The following ABCC4 variants were observed in gnomAD, a reference collection of about 807,000 sequenced individuals.
ABCC4 encodes the protein ATP binding cassette subfamily C member 4 (PEL blood group).
In ABCC4, 102 loss-of-function variants were observed where a neutral mutation model predicts 168.5. The ratio of observed to expected loss-of-function variants is 0.61; its 90% confidence interval spans 0.52 to 0.71. The LOEUF (loss-of-function observed/expected upper bound fraction) is 0.71. Ranked by LOEUF, ABCC4 falls within the 30% of genes least tolerant of loss-of-function variation. The pLI is 0.00. For missense variants in ABCC4, 1,402 were observed against 1,605.8 expected, an observed-to-expected ratio of 0.87 and a Z score of 2.17; for synonymous variants, 617 against 590.7, an observed-to-expected ratio of 1.04 and a Z score of -0.65.
chr13:95,071,279 A>G (rs115810488), intron 25 of ABCC4, among the ~76,000 whole-genome samples: 4,690 of 152,246 alleles, frequency 0.031, 234 homozygotes, highest in African/African-American at 0.11. Context: ...GGAGGAGGAG[A>G]AAGGCTGGAA....
chr13:95,116,158 T>C (rs890209883), intron 19 of ABCC4, among the ~76,000 whole-genome samples, 157 bp from the exon 20 acceptor site: 2 of 151,980 alleles, frequency 1.3e-5, no homozygotes, highest in Admixed American at 1.3e-4. Context: ...AAAAAGAAAA[T>C]AGGACGATAC....
At chr13:95,206,169 T>G (rs980306721) in intron 8 of ABCC4, among the ~76,000 whole-genome samples, 4 of 152,166 alleles carry the variant, frequency 2.6e-5, no homozygotes, top group Non-Finnish European at 5.9e-5. Context: ...CACAGAAGAA[T>G]CATACTCAAC....
chr13:95,248,383 A>T (rs906471145), intron 1 of ABCC4, among the ~76,000 whole-genome samples: 2 of 152,232 alleles, frequency 1.3e-5, no homozygotes, highest in Non-Finnish European at 2.9e-5. Flanking sequence ...TGAAGGTTTG[A>T]TGGGACATTT....
intron 20 of ABCC4, among the ~76,000 whole-genome samples, chr13:95,096,499 G>A (rs918061487): frequency 2.0e-5 from 3 of 151,882 alleles, no homozygotes; most frequent in African/African-American, 7.3e-5. Flanking sequence ...TCCCAAGAAG[G>A]ATACTAAACA....
chr13:95,106,349 G>A (rs1177163755), intron 20 of ABCC4, among the ~76,000 whole-genome samples: 3 of 148,772 alleles, frequency 2.0e-5, no homozygotes, highest in African/African-American at 7.8e-5. Flanking sequence ...GCGTATATAT[G>A]TGCGCGTATA....
intron 19 of ABCC4, among the ~76,000 whole-genome samples, chr13:95,118,393 G>A (rs1339083806): frequency 6.6e-6 from 1 of 151,960 alleles, no homozygotes; most frequent in Non-Finnish European, 1.5e-5. Flanking sequence ...ACAGGCACAT[G>A]CCACCATGAC....
chr13:95,255,126 T>A (rs1439181325), intron 1 of ABCC4, among the ~76,000 whole-genome samples: 1 of 152,134 alleles, frequency 6.6e-6, no homozygotes, highest in Admixed American at 6.6e-5. Context: ...AGAAAGAGGG[T>A]GCAAGGACAC....
At chr13:95,216,608 C>CAAAAAAAAAAAAAA (rs199711816) in intron 4 of ABCC4, among the ~76,000 whole-genome samples, 2 of 125,566 alleles carry the variant, frequency 1.6e-5, no homozygotes, top group African/African-American at 3.2e-5. Context: ...AGGAAATTCA[C>CAAAAAAAAAAAAAA]AAAAAAAAAA....
intron 22 of ABCC4, chr13:95,075,163 G>A (rs375526403): frequency 3.4e-5 from 14 of 409,666 alleles, no homozygotes; most frequent in Admixed American, 1.2e-4. Context: ...TGCAGAAAAC[G>A]TTTGCTGACA....
chr13:95,286,566 C>T (rs557326638), intron 1 of ABCC4, among the ~76,000 whole-genome samples: 1 of 152,110 alleles, frequency 6.6e-6, no homozygotes, highest in African/African-American at 2.4e-5. Context: ...GGGGGACTTA[C>T]AAACAGGTGA....
chr13:95,249,087 G>T (rs1417161652), intron 1 of ABCC4, among the ~76,000 whole-genome samples: 1 of 151,950 alleles, frequency 6.6e-6, no homozygotes, highest in African/African-American at 2.4e-5. Context: ...CAGATGTACT[G>T]GTGTAAGCCT....
rs538317831 is a variant in ABCC4 at position 95,195,166 on chromosome 13, G to C, written c.1162-229C>G. Among the ~76,000 whole-genome samples, 4 of 152,232 alleles carry C rather than the reference G, an allele frequency of 2.6e-5. No individual in the cohort carries two copies. The East Asian group carries it at 7.7e-4, about 29-fold the overall frequency. ...ATCTTTGTAATTTTAGGAACTATCT[G>C]TGTAATTTTTTTCAACAAGTATACT... On this transcript the variant is annotated intron_variant, in intron 8 of 30. Coordinates refer to ENST00000645237, the MANE Select transcript of ABCC4 (RefSeq NM_005845.5).
intron 19 of ABCC4, among the ~76,000 whole-genome samples, chr13:95,121,002 T>G (rs957544932): frequency 6.6e-6 from 1 of 152,052 alleles, no homozygotes; most frequent in Non-Finnish European, 1.5e-5. Context: ...TAGACCAAAA[T>G]GAGAACCAAA....
chr13:95,096,056 CATTT>C (rs1190160600), intron 20 of ABCC4: 1 of 425,678 alleles, frequency 2.3e-6, no homozygotes, highest in African/African-American at 2.1e-5. Context: ...AAAAAAACAA[CATTT>C]AGCCAGGTAC....
At chr13:95,265,410 T>G (rs2040642825) in intron 1 of ABCC4, among the ~76,000 whole-genome samples, 1 of 150,028 alleles carries the variant, frequency 6.7e-6, no homozygotes, top group Non-Finnish European at 1.5e-5. Context: ...GAGTACTGGT[T>G]TAAAAGCATG....
In ABCC4 at chr13:95,079,852, G is replaced by T. The variant is rs553589768; in HGVS notation, c.2686+3288C>A. On this transcript the variant is annotated intron_variant, in intron 21 of 30. Coordinates refer to ENST00000645237, the MANE Select transcript of ABCC4 (RefSeq NM_005845.5). Reference sequence around the variant, plus strand: ...CTATGTCTCAAAAAAACAAAAACAAGAAAACAAAAAAAACACTGCCCAAGG... The same window carrying T: ...CTATGTCTCAAAAAAACAAAAACAATAAAACAAAAAAAACACTGCCCAAGG... Among the ~76,000 whole-genome samples, 2 of 151,890 alleles carry T rather than the reference G, an allele frequency of 1.3e-5. 1 individual carries two copies. Among genetic ancestry groups the T allele is most frequent in the Non-Finnish European group, 2.9e-5 (2 of 67,936 alleles).
chr13:95,093,661 CTCTTCAACAT>C (rs1306798209), intron 20 of ABCC4, among the ~76,000 whole-genome samples: 1 of 152,138 alleles, frequency 6.6e-6, no homozygotes, highest in Admixed American at 6.5e-5. Flanking sequence ...CTTACCACTC[CTCTTCAACAT>C]AGTACTGGAA....
rs967531373 is a variant in ABCC4 at position 95,162,335 on chromosome 13, C to T, written c.2308+787G>A. Among the ~76,000 whole-genome samples, 3 of 152,292 alleles carry T rather than the reference C, an allele frequency of 2.0e-5. No homozygotes were observed. In the South Asian group the frequency reaches 6.2e-4, roughly 32 times the overall value. The stretch of plus-strand genomic sequence containing the variant: ...ACTGAGTAGGTTCTTACAAAGATAA[C>T]TCACTCTATCTCTGAGGAAAGCTTG... On this transcript the variant is annotated intron_variant, in intron 18 of 30. Transcript: ENST00000645237.
rs59383131 is a variant in ABCC4 at position 95,133,079 on chromosome 13, G to A, written c.2456-17078C>T. Among the ~76,000 whole-genome samples the A allele has an allele frequency of 0.019, 2,787 of 146,174 alleles. 161 individuals are homozygous for A. The East Asian group carries it at 0.23, about 12-fold the overall frequency. The stretch of plus-strand genomic sequence containing the variant: ...AAATGATTAACATGGCAAATCTTAC[G>A]TTAGGTGCATTTTACTATGATTTTA... On this transcript the variant is annotated intron_variant, in intron 19 of 30. Coordinates refer to ENST00000645237, the MANE Select transcript of ABCC4 (RefSeq NM_005845.5).
Sources: allele counts gnomAD v4.1 joint callset (sites outside exome capture counted in the v4.1 genomes callset), GRCh38; gene constraint gnomAD v4.1.1; transcripts MANE v1.5; gene names NCBI Gene and HGNC (gene_info 2026-07-23, HGNC 2026-07-21).